OR56A1: variants seen among roughly 807,000 people sequenced by gnomAD.
OR56A1 encodes the protein olfactory receptor family 56 subfamily A member 1.
For synonymous variants in OR56A1, 174 were observed against 159.1 expected (o/e 1.09, Z -0.70); for missense variants, 360 against 380.9 (o/e 0.94, Z 0.46).
intron 1 of OR56A1, among the ~76,000 whole-genome samples, chr11:6,027,992 T>C (rs1254022493): frequency 6.6e-6 from 1 of 152,006 alleles, no homozygotes; most frequent in East Asian, 1.9e-4. Context: ...TAAAACATAT[T>C]ACAAACACGC....
At chr11:6,028,927 T>TAC (rs35081168) in intron 1 of OR56A1, among the ~76,000 whole-genome samples, 42,858 of 151,880 alleles carry the variant, frequency 0.28, 6,791 homozygotes, top group Admixed American at 0.35. Flanking sequence ...AAATATGGCA[T>TAC]ACACACAATG....
At position 6,025,176 on chromosome 11, in the gene OR56A1, C is replaced by T. The variant is rs1848434634; in HGVS notation, c.*1572G>A. On this transcript the variant is annotated 3_prime_UTR_variant, in exon 2 of 2. Coordinates refer to ENST00000641900, the MANE Select transcript of OR56A1 (RefSeq NM_001388488.1). ...TCTGACTCTAATTCCCTGGTAGGAA[C>T]AGTGCACTGCAGGGTGATGTTATAG... is the stretch of plus-strand genomic sequence containing the variant. The T allele has an allele frequency of 6.6e-6, 1 of 152,236 alleles. No individual in the cohort carries two copies. Among genetic ancestry groups the T allele is most frequent in the African/African-American group, 2.4e-5 (1 of 41,458 alleles). 9.4% of individuals were successfully genotyped at this position (152,236 alleles called of 1,614,324 possible).
At position 6,027,078 on chromosome 11, in the gene OR56A1, AG is replaced by A. The variant is rs762386533; in HGVS notation, c.614del (p.Ala205ValfsTer21). On this transcript the variant is annotated frameshift_variant, in exon 2 of 2. Coordinates refer to ENST00000641900, the MANE Select transcript of OR56A1 (RefSeq NM_001388488.1). LOFTEE classifies it low-confidence loss of function (END_TRUNC). ...AATCTGAGCCCAGCAAGGTCCAACC[AG>A]CCACAAATTGGTAGATTCTGTTAAG... ...FTLNRIYQFVAGWTLLGSDLF... is the reference protein window; with the variant it reads ...FTLNRIYQFVXGWTLLGSDLF... 9 of 1,614,240 alleles carry A rather than the reference AG, an allele frequency of 5.6e-6. No individual in the cohort carries two copies. The highest frequency in any genetic ancestry group is 7.6e-6 in the Non-Finnish European group (9 of 1,180,036).
chr11:6,031,308 G>A (rs1848510006), upstream of OR56A1, among the ~76,000 whole-genome samples: 2 of 152,086 alleles, frequency 1.3e-5, no homozygotes, highest in Non-Finnish European at 2.9e-5. Flanking sequence ...CTATGCTGAA[G>A]ATTTTAGAAC....
At position 6,022,926 on chromosome 11, in the gene OR56A1, T is replaced by G. The variant is rs1252051952; in HGVS notation, c.*3822A>C. ...ACACTAAGGATATTCACTATTCTTA[T>G]GAATACCTGACTCATGTCAGTGATT... On this transcript the variant is annotated 3_prime_UTR_variant, in exon 2 of 2. Coordinates refer to ENST00000641900, the MANE Select transcript of OR56A1 (RefSeq NM_001388488.1). 1 of 152,218 alleles carries G rather than the reference T, an allele frequency of 6.6e-6. No individual in the cohort carries two copies. Among genetic ancestry groups the G allele is most frequent in the Non-Finnish European group, 1.5e-5 (1 of 68,022 alleles). The allele number at this position is 152,218 out of a possible 1,614,324, so 9.4% of individuals were successfully genotyped here. A position where few individuals can be genotyped will look rare whatever the true frequency, so the allele number is the denominator to read the frequency against.
In OR56A1 at chr11:6,026,710, A is replaced by G; in HGVS notation, c.*38T>C. 7.7e-7 allele frequency: 1 copy of G among 1,295,570 alleles called. No individual in the cohort carries two copies. The highest frequency in any genetic ancestry group is 1.1e-6 in the Non-Finnish European group (1 of 922,420). 80.3% of individuals were successfully genotyped at this position (1,295,570 alleles called of 1,614,324 possible). A position where few individuals can be genotyped will look rare whatever the true frequency, so the allele number is the denominator to read the frequency against. Reference sequence around the variant, plus strand: ...TTCGCTGCCTAGGTAAAATCACTGAAGAGGAAGAACAGGAGGTATTAGAAA... The same window carrying G: ...TTCGCTGCCTAGGTAAAATCACTGAGGAGGAAGAACAGGAGGTATTAGAAA... On this transcript the variant is annotated 3_prime_UTR_variant, in exon 2 of 2. Transcript: ENST00000641900.
intron 1 of OR56A1, among the ~76,000 whole-genome samples, chr11:6,028,866 C>G (rs1848483478): frequency 6.6e-6 from 1 of 152,030 alleles, no homozygotes. Context: ...TACACAATAG[C>G]AAAGATATGG....
chr11:6,031,620 C>A (rs1269689146), upstream of OR56A1, among the ~76,000 whole-genome samples: 1 of 152,088 alleles, frequency 6.6e-6, no homozygotes, highest in African/African-American at 2.4e-5. Flanking sequence ...CCCAGAGTGA[C>A]CCCCGGTTTA....
Position 6,027,533 on chromosome 11 carries a change from G to A in OR56A1, c.160C>T (p.Leu54=), listed in dbSNP as rs1312765141. 3.1e-6 allele frequency: 5 copies of A among 1,614,030 alleles called. No homozygotes were observed. Among genetic ancestry groups the A allele is most frequent in the Non-Finnish European group, 4.2e-6 (5 of 1,180,002 alleles). The change falls in exon 2 of 2, where the codon CTG becomes TTG. Residue 54 remains leucine, a synonymous_variant. Transcript: ENST00000641900. ...AGGGGCTGGTGCAGAGAGGCCTCCA[G>A]CTGGATGGTGATCAGGAGGGTGGTG... The part of the protein sequence containing the change: ...ANTTLLITIQ[L]EASLHQPLYY...
Position 6,022,257 on chromosome 11 carries a change from T to G in OR56A1, c.*4491A>C, listed in dbSNP as rs964993398. 8 of 152,164 alleles carry G rather than the reference T, an allele frequency of 5.3e-5. No individual in the cohort carries two copies. The South Asian group carries it at 1.7e-3, about 32-fold the overall frequency. The allele number at this position is 152,164 out of a possible 1,614,324, so 9.4% of individuals were successfully genotyped here. On this transcript the variant is annotated 3_prime_UTR_variant, in exon 2 of 2. Coordinates refer to ENST00000641900, the MANE Select transcript of OR56A1 (RefSeq NM_001388488.1). ...TACAAAATCCTGCATATTCTTTCTC[T>G]TTCTGGCTTGCCACCCAGATTCAGA...
At position 6,027,189 on chromosome 11, in the gene OR56A1, C is replaced by T; in HGVS notation, c.504G>A (p.Leu168=). 6.2e-7 allele frequency: 1 copy of T among 1,614,160 alleles called. No individual in the cohort carries two copies. Among genetic ancestry groups the T allele is most frequent in the Non-Finnish European group, 8.5e-7 (1 of 1,180,018 alleles). Reference sequence around the variant, plus strand: ...TGACATTTTCCCCACAGTAATGGAGCAGGGAAGTGAGGATAGGAATGGGTG... The same window carrying T: ...TGACATTTTCCCCACAGTAATGGAGTAGGGAAGTGAGGATAGGAATGGGTG... The part of the protein sequence containing the change: ...LTAPIPILTS[L]LHYCGENVIE... Residue 168 remains leucine (L), a synonymous_variant, in exon 2 of 2, where the codon CTG becomes CTA. Transcript: ENST00000641900.
upstream of OR56A1, among the ~76,000 whole-genome samples, chr11:6,034,075 C>T (rs1487384597): frequency 6.6e-6 from 1 of 152,138 alleles, no homozygotes; most frequent in African/African-American, 2.4e-5. Context: ...GTAAGAAAAT[C>T]AAACCCTCTT....
intron 1 of OR56A1, 146 bp from the exon 2 acceptor site, chr11:6,027,872 G>C (rs1432208536): frequency 1.7e-6 from 1 of 574,716 alleles, no homozygotes; most frequent in Non-Finnish European, 3.1e-6. Context: ...AGGTAGAATT[G>C]TGAGACTTGA....
chr11:6,019,813 T>C lies in OR56A1; in HGVS notation c.*6935A>G, dbSNP rs1848376737. On this transcript the variant is annotated 3_prime_UTR_variant, in exon 2 of 2. Coordinates refer to ENST00000641900, the MANE Select transcript of OR56A1 (RefSeq NM_001388488.1). ...AAAGTGAATGTCAGAAGGCTTTTTCTCAAAAGCATTTAGGCACAGTATTCA... is the reference window on the plus strand; with the variant it reads ...AAAGTGAATGTCAGAAGGCTTTTTCCCAAAAGCATTTAGGCACAGTATTCA... The C allele has an allele frequency of 6.6e-6, 1 of 152,124 alleles. No individual in the cohort carries two copies. Among genetic ancestry groups the C allele is most frequent in the Non-Finnish European group, 1.5e-5 (1 of 67,978 alleles). 9.4% of individuals were successfully genotyped at this position (152,124 alleles called of 1,614,324 possible).
In OR56A1 at chr11:6,021,663, A is replaced by G. The variant is rs1203533748; in HGVS notation, c.*5085T>C. The G allele has an allele frequency of 6.6e-6, 1 of 151,672 alleles. No homozygotes were observed. The highest frequency in any genetic ancestry group is 1.5e-5 in the Non-Finnish European group (1 of 67,972). The allele number at this position is 151,672 out of a possible 1,614,324, so 9.4% of individuals were successfully genotyped here. On this transcript the variant is annotated 3_prime_UTR_variant, in exon 2 of 2. Transcript: ENST00000641900. ...TTCATTTAGGATAATGGGAACATTAATAAAGGCACATTTAGGATAATGGGA... is the reference window on the plus strand; with the variant it reads ...TTCATTTAGGATAATGGGAACATTAGTAAAGGCACATTTAGGATAATGGGA...
At chr11:6,028,809 C>T (rs12362310) in intron 1 of OR56A1, among the ~76,000 whole-genome samples, 9 of 151,948 alleles carry the variant, frequency 5.9e-5, no homozygotes, top group South Asian at 2.1e-4. Flanking sequence ...GAAAAGAAAA[C>T]GATATATCAA....
chr11:6,028,782 T>C (rs746210633), intron 1 of OR56A1, among the ~76,000 whole-genome samples: 10 of 152,178 alleles, frequency 6.6e-5, no homozygotes, highest in Non-Finnish European at 1.2e-4. Context: ...GTCCTACTAC[T>C]AGGTATCTAC....
At position 6,023,543 on chromosome 11, in the gene OR56A1, C is replaced by G. The variant is rs1848417687; in HGVS notation, c.*3205G>C. ...TGCAATGATATCAGATCTTCCTGCT[C>G]AAGAGGCTGTGTTCCTCACACAAAT... On this transcript the variant is annotated 3_prime_UTR_variant, in exon 2 of 2. Transcript: ENST00000641900. 6.6e-6 allele frequency: 1 copy of G among 152,148 alleles called. No homozygotes were observed. The highest frequency in any genetic ancestry group is 2.4e-5 in the African/African-American group (1 of 41,420). 9.4% of individuals were successfully genotyped at this position (152,148 alleles called of 1,614,324 possible). A position where few individuals can be genotyped will look rare whatever the true frequency, so the allele number is the denominator to read the frequency against.
upstream of OR56A1, among the ~76,000 whole-genome samples, chr11:6,031,483 G>A (rs1044541906): frequency 6.6e-5 from 10 of 152,120 alleles, no homozygotes; most frequent in South Asian, 2.1e-4. Flanking sequence ...CAATAGCCAA[G>A]GTGAGAAGTG....
Sources: gnomAD v4.1 joint callset for allele counts (sites outside exome capture counted in the v4.1 genomes callset) on GRCh38, gnomAD v4.1.1 for gene constraint, MANE v1.5 for transcripts, NCBI Gene and HGNC (gene_info 2026-07-23, HGNC 2026-07-21) for gene names.